Variants in PTCHD4 observed in about 807,000 individuals in gnomAD.
PTCHD4 encodes the protein patched domain-containing protein 4.
Under a neutral mutation model 58.1 loss-of-function variants are expected in PTCHD4, and 33 were observed. The ratio of observed to expected loss-of-function variants is 0.57; its 90% CI spans 0.43 to 0.76. PTCHD4 has a LOEUF of 0.76. Ranked by LOEUF, PTCHD4 falls within the 30% of genes least tolerant of loss-of-function variation. The probability of loss-of-function intolerance (pLI) is 0.00; values close to 1 mark genes in which losing one functional copy is unlikely to be tolerated. For missense variants in PTCHD4, 1,058 were observed against 1,027.1 expected (o/e 1.03, Z -0.41); for synonymous variants, 478 against 409.6 (o/e 1.17, Z -2.02).
chr6:48,068,401 G>A lies in PTCHD4; in HGVS notation c.246C>T (p.Arg82=). ...APSHSLAKIE[R]SLASSLFPLD... Reference sequence around the variant, plus strand: ...GGGGGAAAAGGCTGCTGGCCAGGCTGCGCTCGATCTTGGCCAGGCTGTGGC... The same window carrying A: ...GGGGGAAAAGGCTGCTGGCCAGGCTACGCTCGATCTTGGCCAGGCTGTGGC... The change falls in exon 3 of 5, where the codon CGC becomes CGT. Residue 82 remains arginine (R), a synonymous_variant. Transcript: ENST00000339488. This position sits in a 1 kb window ranked among gnomAD's most constrained non-coding sequence, Gnocchi z 4.2. The A allele has an allele frequency of 6.2e-7, 1 of 1,614,000 alleles. No individual in the cohort carries two copies. Among genetic ancestry groups the A allele is most frequent in the South Asian group, 1.1e-5 (1 of 91,088 alleles).
chr6:47,898,670 A>T (rs1431436114), intron 4 of PTCHD4, among the ~76,000 whole-genome samples: 1 of 152,214 alleles, frequency 6.6e-6, no homozygotes, highest in East Asian at 1.9e-4. Context: ...GGTAAACTAG[A>T]TAGGAGGATA....
chr6:48,023,827 C>T (rs1272530330), intron 3 of PTCHD4, among the ~76,000 whole-genome samples: 1 of 152,176 alleles, frequency 6.6e-6, no homozygotes, highest in Non-Finnish European at 1.5e-5. Context: ...AAGAAATAGA[C>T]TGAAATCTCT....
chr6:48,096,142 G>A (rs1033376562), intron 1 of PTCHD4, among the ~76,000 whole-genome samples: 1 of 152,146 alleles, frequency 6.6e-6, no homozygotes, highest in Non-Finnish European at 1.5e-5. Context: ...GAATACAGTA[G>A]AAGTGCAGAG....
chr6:47,926,053 G>T, intron 4 of PTCHD4, among the ~76,000 whole-genome samples: 1 of 152,100 alleles, frequency 6.6e-6, no homozygotes, highest in East Asian at 1.9e-4. Flanking sequence ...TGCATTCAAA[G>T]GTGTTGTAGC....
At chr6:47,986,746 T>C (rs2180739) in intron 4 of PTCHD4, among the ~76,000 whole-genome samples, 106,819 of 152,034 alleles carry the variant, frequency 0.7, 37,615 homozygotes, top group East Asian at 0.84. Flanking sequence ...GAACAGTAAA[T>C]TGTAAGAATC....
intron 3 of PTCHD4, among the ~76,000 whole-genome samples, chr6:48,035,812 C>T (rs1763611987): frequency 1.3e-5 from 2 of 152,254 alleles, no homozygotes; most frequent in Non-Finnish European, 2.9e-5. Flanking sequence ...CCAGAATCTC[C>T]CTTGCCACTG....
At chr6:48,020,493 C>A (rs543720708) in intron 3 of PTCHD4, among the ~76,000 whole-genome samples, 2 of 151,098 alleles carry the variant, frequency 1.3e-5, no homozygotes, top group Non-Finnish European at 3.0e-5. Context: ...AAAGTAATTG[C>A]GGTTTTTGCT....
At chr6:47,939,485 A>G (rs1309149100) in intron 4 of PTCHD4, among the ~76,000 whole-genome samples, 1 of 152,112 alleles carries the variant, frequency 6.6e-6, no homozygotes, top group Admixed American at 6.5e-5. Flanking sequence ...AGAAGCGAGT[A>G]GTGGACTGTT....
intron 4 of PTCHD4, among the ~76,000 whole-genome samples, chr6:47,927,728 A>AT (rs1446257642): frequency 1.3e-5 from 2 of 151,780 alleles, no homozygotes; most frequent in East Asian, 3.9e-4. Flanking sequence ...GGATTAAATT[A>AT]TTTTTTCCAT....
At chr6:48,110,215 T>C (rs1020315682) in intron 1 of PTCHD4, among the ~76,000 whole-genome samples, 2 of 152,206 alleles carry the variant, frequency 1.3e-5, no homozygotes, top group Non-Finnish European at 1.5e-5. Flanking sequence ...CTTAAATATC[T>C]ATTAACACAT....
chr6:47,865,868 T>C lies in PTCHD4; in HGVS notation c.*12435A>G, dbSNP rs889255167. Among the ~76,000 whole-genome samples, 9 of 151,916 alleles carry C rather than the reference T, an allele frequency of 5.9e-5. No individual in the cohort carries two copies. The highest frequency in any genetic ancestry group is 3.9e-4 in the Admixed American group (6 of 15,218). Reference sequence around the variant, plus strand: ...AGCATGATGTTTGCAGGTCCTTATATGAAACTTTCTGGTTTGTACAAATTC... The same window carrying C: ...AGCATGATGTTTGCAGGTCCTTATACGAAACTTTCTGGTTTGTACAAATTC... On this transcript the variant is annotated 3_prime_UTR_variant, in exon 5 of 5. Transcript: ENST00000339488.
intron 3 of PTCHD4, among the ~76,000 whole-genome samples, chr6:48,009,781 C>T (rs1410808632): frequency 6.6e-6 from 1 of 152,204 alleles, no homozygotes; most frequent in Non-Finnish European, 1.5e-5. Flanking sequence ...CTGCCTCAGA[C>T]ATAGGTTGAC....
At chr6:47,894,491 T>C (rs1265666913) in intron 4 of PTCHD4, among the ~76,000 whole-genome samples, 1 of 152,198 alleles carries the variant, frequency 6.6e-6, no homozygotes, top group Non-Finnish European at 1.5e-5. Flanking sequence ...GTCTTCCTCA[T>C]ATGCAAGACA....
intron 1 of PTCHD4, among the ~76,000 whole-genome samples, chr6:48,080,333 C>A (rs530190715): frequency 2.0e-5 from 3 of 152,306 alleles, no homozygotes; most frequent in Non-Finnish European, 4.4e-5. Context: ...ACTGACACAT[C>A]TCCAGAAAAC....
intron 1 of PTCHD4, among the ~76,000 whole-genome samples, chr6:48,079,297 C>T (rs1163789471): frequency 6.6e-6 from 1 of 151,964 alleles, no homozygotes; most frequent in Non-Finnish European, 1.5e-5. Flanking sequence ...GAAAATGAAT[C>T]CCGTTCCCTG....
At chr6:48,065,447 C>T (rs1167745141) in intron 3 of PTCHD4, among the ~76,000 whole-genome samples, 1 of 152,158 alleles carries the variant, frequency 6.6e-6, no homozygotes, top group Non-Finnish European at 1.5e-5. Context: ...TTCCTCAAAT[C>T]TTGTACACCA....
At chr6:48,059,587 C>T (rs918767658) in intron 3 of PTCHD4, among the ~76,000 whole-genome samples, 3 of 152,044 alleles carry the variant, frequency 2.0e-5, no homozygotes, top group South Asian at 2.1e-4. Flanking sequence ...TGCAGTGAGC[C>T]GAGATCACGC....
intron 4 of PTCHD4, among the ~76,000 whole-genome samples, chr6:47,967,840 C>T (rs557364089): frequency 6.6e-6 from 1 of 152,278 alleles, no homozygotes; most frequent in Middle Eastern, 3.4e-3. Context: ...TAGGGTCTTG[C>T]TCTGAATTAG....
Position 48,008,837 on chromosome 6 carries a change from C to T in PTCHD4, c.695G>A (p.Ser232Asn), listed in dbSNP as rs761061474. ...CAGCACGAGGCTCACCAGGACCTTG[C>T]TTCTGGCCAGGATGCTGGTCTTATG... ...DFHKTSILAR[S>N]KVLVSLVLIL... The change falls in exon 4 of 5, where the codon AGC (serine) becomes AAC (asparagine). Residue 232 changes from serine (S) to asparagine (N), a missense_variant. Ser to Asn is a conservative substitution (Grantham distance 46, BLOSUM62 1). Transcript: ENST00000339488. 2.6e-5 allele frequency: 42 copies of T among 1,613,896 alleles called. No homozygotes were observed. Among genetic ancestry groups the T allele is most frequent in the Non-Finnish European group, 3.5e-5 (41 of 1,179,902 alleles).
Sources: gnomAD v4.1 joint callset for allele counts (sites outside exome capture counted in the v4.1 genomes callset) on GRCh38, gnomAD v4.1.1 for gene constraint, Gnocchi (gnomAD v3.1) non-coding constraint, MANE v1.5 for transcripts, NCBI Gene and HGNC (gene_info 2026-07-23, HGNC 2026-07-21) for gene names.